PARD3: variants seen among roughly 807,000 people sequenced by gnomAD.
The protein encoded by PARD3 is partitioning defective 3 homolog.
A neutral mutation model predicts 155.4 loss-of-function variants in PARD3; 75 were observed. The observed-to-expected ratio is 0.48, with a 90% CI of 0.40 to 0.58. The LOEUF (loss-of-function observed/expected upper bound fraction) is 0.58, where lower values mean the gene tolerates loss of function less well. Ranked by LOEUF, PARD3 falls within the 20% of genes least tolerant of loss-of-function variation. The pLI is 0.00. For missense variants in PARD3, 1,642 were observed against 1,721.7 expected (o/e 0.95, Z 0.82); for synonymous variants, 576 against 610.5 (o/e 0.94, Z 0.83).
chr10:34,214,581 C>A (rs573018097), intron 22 of PARD3, among the ~76,000 whole-genome samples: 11 of 152,160 alleles, frequency 7.2e-5, no homozygotes, highest in African/African-American at 2.6e-4. Flanking sequence ...ACTTCGGGAG[C>A]TCAGGCAAGA....
intron 2 of PARD3, among the ~76,000 whole-genome samples, chr10:34,552,367 T>G (rs1017986002): frequency 6.6e-6 from 1 of 152,226 alleles, no homozygotes; most frequent in Non-Finnish European, 1.5e-5. Context: ...TCCCAAAGAC[T>G]GGGATTACAG....
At chr10:34,236,677 C>T (rs538542427) in intron 22 of PARD3, among the ~76,000 whole-genome samples, 4 of 152,104 alleles carry the variant, frequency 2.6e-5, no homozygotes, top group Non-Finnish European at 4.4e-5. Flanking sequence ...AGACGGAAAA[C>T]GTTAACAGAT....
At chr10:34,527,948 A>G (rs976432330) in intron 2 of PARD3, among the ~76,000 whole-genome samples, 2 of 152,236 alleles carry the variant, frequency 1.3e-5, no homozygotes, top group African/African-American at 2.4e-5. Flanking sequence ...AGTATGCAAT[A>G]CAATACTGAT....
intron 2 of PARD3, among the ~76,000 whole-genome samples, chr10:34,611,672 C>G (rs779584047): frequency 3.9e-5 from 6 of 152,054 alleles, no homozygotes; most frequent in Admixed American, 1.3e-4. Context: ...GAACCAACCA[C>G]AAAAATCCTG....
chr10:34,345,818 T>G, intron 15 of PARD3: 1 of 985,242 alleles, frequency 1.0e-6, no homozygotes, highest in Non-Finnish European at 1.2e-6. Flanking sequence ...TGGTAACTAA[T>G]TTCACAAATT....
At chr10:34,791,533 G>A (rs1316034992) in intron 1 of PARD3, among the ~76,000 whole-genome samples, 1 of 152,072 alleles carries the variant, frequency 6.6e-6, no homozygotes, top group Non-Finnish European at 1.5e-5. Flanking sequence ...GACAAGACGC[G>A]GGGACATGTG....
intron 5 of PARD3, among the ~76,000 whole-genome samples, chr10:34,443,530 C>T (rs556688396): frequency 2.6e-5 from 4 of 152,110 alleles, no homozygotes; most frequent in Non-Finnish European, 5.9e-5. Flanking sequence ...AAAGTCACAT[C>T]TTACATGGAT....
chr10:34,337,220 A>G (rs1836285311), intron 17 of PARD3, 55 bp downstream of exon 17: 1 of 1,127,174 alleles, frequency 8.9e-7, no homozygotes, highest in African/African-American at 1.6e-5. Flanking sequence ...CATCAATTTT[A>G]TCCTGAAAGC....
At chr10:34,761,266 C>T (rs1329396372) in intron 1 of PARD3, among the ~76,000 whole-genome samples, 1 of 151,852 alleles carries the variant, frequency 6.6e-6, no homozygotes, top group Non-Finnish European at 1.5e-5. Context: ...CAAAAATTAG[C>T]CAGGTGTGGT....
At chr10:34,695,184 G>A (rs1452498137) in intron 2 of PARD3, among the ~76,000 whole-genome samples, 1 of 152,166 alleles carries the variant, frequency 6.6e-6, no homozygotes, top group Admixed American at 6.6e-5. Flanking sequence ...AAATACAAAA[G>A]GAGTGGCCAG....
chr10:34,606,797 T>C (rs1428286660), intron 2 of PARD3, among the ~76,000 whole-genome samples: 2 of 151,112 alleles, frequency 1.3e-5, no homozygotes, highest in Non-Finnish European at 2.9e-5. Context: ...TGAAACCCCA[T>C]CTCTACTAAA....
intron 18 of PARD3, among the ~76,000 whole-genome samples, chr10:34,334,489 C>G (rs1835944901): frequency 6.6e-6 from 1 of 151,670 alleles, no homozygotes; most frequent in African/African-American, 2.4e-5. Context: ...TCCCAAAAAC[C>G]TTTGGACTAA....
chr10:34,736,330 C>CTTTTTTTTT (rs564413627), intron 1 of PARD3, among the ~76,000 whole-genome samples: 3 of 128,422 alleles, frequency 2.3e-5, no homozygotes, highest in Non-Finnish European at 4.9e-5. Flanking sequence ...GCGCCTGGCC[C>CTTTTTTTTT]TTTTTTTTTT....
intron 2 of PARD3, among the ~76,000 whole-genome samples, chr10:34,603,942 G>GA (rs2090007518): frequency 6.6e-6 from 1 of 152,108 alleles, no homozygotes; most frequent in Non-Finnish European, 1.5e-5. Context: ...GTAAGGCGGT[G>GA]ACGGTCAAAG....
intron 15 of PARD3, 132 bp downstream of exon 15, chr10:34,347,833 C>G: frequency 6.3e-6 from 4 of 638,620 alleles, no homozygotes. Context: ...TCTCTTTTGT[C>G]TTGAAAACAT....
At chr10:34,346,493 A>C in intron 15 of PARD3, 6 of 1,340,708 alleles carry the variant, frequency 4.5e-6, no homozygotes, top group Non-Finnish European at 6.0e-6. Flanking sequence ...TGTGTGCACA[A>C]ATATCTAGGG....
chr10:34,710,560 T>A (rs993222790), intron 1 of PARD3, among the ~76,000 whole-genome samples: 4 of 152,206 alleles, frequency 2.6e-5, no homozygotes, highest in African/African-American at 9.6e-5. Flanking sequence ...GACTGTCCTG[T>A]AATATGAGTC....
intron 1 of PARD3, among the ~76,000 whole-genome samples, chr10:34,715,926 G>A (rs934591384): frequency 6.6e-6 from 1 of 152,146 alleles, no homozygotes; most frequent in African/African-American, 2.4e-5. Flanking sequence ...CTATTCCCTT[G>A]CTAACCTATT....
chr10:34,642,359 GC>G (rs1252877218), intron 2 of PARD3, among the ~76,000 whole-genome samples: 1 of 151,786 alleles, frequency 6.6e-6, no homozygotes, highest in Non-Finnish European at 1.5e-5. Context: ...ATGAAAGCCC[GC>G]CCTTGACCCT....
Sources: allele counts gnomAD v4.1 joint callset (sites outside exome capture counted in the v4.1 genomes callset), GRCh38; gene constraint gnomAD v4.1.1; transcripts MANE v1.5; gene names NCBI Gene and HGNC (gene_info 2026-07-23, HGNC 2026-07-21).